Variants in PLCXD3 observed in about 807,000 individuals in gnomAD.
PLCXD3 encodes the protein phosphatidylinositol specific phospholipase C X domain containing 3.
PLCXD3 carries 19 observed loss-of-function variants against 25.5 expected under a neutral mutation model. The ratio of observed to expected loss-of-function variants is 0.75; its 90% CI spans 0.52 to 1.09. The LOEUF is 1.09. PLCXD3 is among the 50% of genes least tolerant of loss of function. PLCXD3 has a pLI of 0.00. For missense variants in PLCXD3, 411 were observed against 388.1 expected, an observed-to-expected ratio of 1.06 and a Z score of -0.50; for synonymous variants, 174 against 137.6, an observed-to-expected ratio of 1.26 and a Z score of -1.85.
intron 1 of PLCXD3, among the ~76,000 whole-genome samples, chr5:41,425,475 A>G (rs1407008218): frequency 6.6e-6 from 1 of 152,126 alleles, no homozygotes; most frequent in African/African-American, 2.4e-5. Flanking sequence ...CTGTATTGAC[A>G]CCTTATTATC....
At chr5:41,414,597 C>A (rs922092890) in intron 1 of PLCXD3, among the ~76,000 whole-genome samples, 1 of 152,136 alleles carries the variant, frequency 6.6e-6, no homozygotes, top group African/African-American at 2.4e-5. Context: ...GCATAAGTAG[C>A]CTGTTACAAA....
intron 2 of PLCXD3, among the ~76,000 whole-genome samples, chr5:41,340,120 G>T (rs1207098803): frequency 6.7e-6 from 1 of 150,190 alleles, no homozygotes; most frequent in Non-Finnish European, 1.5e-5. Flanking sequence ...TTGTATAGAT[G>T]CTGCTCTCCT....
At chr5:41,354,451 C>T (rs1435724352) in intron 2 of PLCXD3, among the ~76,000 whole-genome samples, 1 of 152,100 alleles carries the variant, frequency 6.6e-6, no homozygotes, top group East Asian at 1.9e-4. Context: ...CTCATTTCCT[C>T]CCCTTTCCCT....
intron 1 of PLCXD3, among the ~76,000 whole-genome samples, chr5:41,493,802 G>A (rs906302580): frequency 2.0e-5 from 3 of 152,148 alleles, no homozygotes; most frequent in Non-Finnish European, 4.4e-5. Context: ...GCGCAGTATT[G>A]GGGTGGGAGT....
intron 2 of PLCXD3, among the ~76,000 whole-genome samples, chr5:41,326,158 C>T (rs1743621564): frequency 6.6e-6 from 1 of 152,166 alleles, no homozygotes; most frequent in South Asian, 2.1e-4. Flanking sequence ...AGTCACCTAT[C>T]TTTCTATCCC....
At chr5:41,380,105 AT>A (rs1041571543) in intron 2 of PLCXD3, among the ~76,000 whole-genome samples, 46 of 151,892 alleles carry the variant, frequency 3.0e-4, no homozygotes, top group African/African-American at 1.1e-3. Flanking sequence ...GTTGGCCTAT[AT>A]TTGTAATGAT....
chr5:41,433,132 T>C (rs1273201565), intron 1 of PLCXD3, among the ~76,000 whole-genome samples: 1 of 152,178 alleles, frequency 6.6e-6, no homozygotes, highest in Non-Finnish European at 1.5e-5. Flanking sequence ...GGGCACAAGC[T>C]GCCTTTCTTG....
At chr5:41,421,416 T>C (rs1302544313) in intron 1 of PLCXD3, among the ~76,000 whole-genome samples, 1 of 152,110 alleles carries the variant, frequency 6.6e-6, no homozygotes, top group Non-Finnish European at 1.5e-5. Flanking sequence ...AAAATACTCT[T>C]TGGAGCTGGG....
At chr5:41,465,887 A>G (rs1376249570) in intron 1 of PLCXD3, among the ~76,000 whole-genome samples, 2 of 152,156 alleles carry the variant, frequency 1.3e-5, no homozygotes, top group Non-Finnish European at 2.9e-5. Context: ...ATAATCTGCT[A>G]TGAAATTAAA....
intron 2 of PLCXD3, among the ~76,000 whole-genome samples, chr5:41,334,544 A>T (rs1247448091): frequency 6.6e-6 from 1 of 152,164 alleles, no homozygotes; most frequent in Non-Finnish European, 1.5e-5. Context: ...CCTCAGAAGT[A>T]CATGGGACAT....
intron 2 of PLCXD3, among the ~76,000 whole-genome samples, chr5:41,320,993 T>C (rs1414270900): frequency 6.6e-6 from 1 of 152,212 alleles, no homozygotes; most frequent in Non-Finnish European, 1.5e-5. Flanking sequence ...GCTAGTATCA[T>C]ACTGAATGAG....
intron 2 of PLCXD3, among the ~76,000 whole-genome samples, chr5:41,356,844 G>A (rs566916682): frequency 2.0e-5 from 3 of 152,258 alleles, no homozygotes; most frequent in South Asian, 4.1e-4. Flanking sequence ...AGGGCTGCAT[G>A]TTGTTATCAC....
At chr5:41,324,193 T>C (rs530462472) in intron 2 of PLCXD3, among the ~76,000 whole-genome samples, 3 of 152,144 alleles carry the variant, frequency 2.0e-5, no homozygotes, top group Admixed American at 6.5e-5. Context: ...CAGGAGCATA[T>C]AGTGTCATGA....
At chr5:41,441,087 C>T (rs1481969520) in intron 1 of PLCXD3, among the ~76,000 whole-genome samples, 1 of 152,098 alleles carries the variant, frequency 6.6e-6, no homozygotes, top group African/African-American at 2.4e-5. Flanking sequence ...CCACCAAATC[C>T]TGTTCATTTG....
chr5:41,497,496 T>C (rs1748867609), intron 1 of PLCXD3, among the ~76,000 whole-genome samples: 1 of 151,778 alleles, frequency 6.6e-6, no homozygotes, highest in Admixed American at 6.6e-5. Context: ...AAAGCAATTA[T>C]AAATATATGC....
chr5:41,368,184 T>A (rs1744992152), intron 2 of PLCXD3, among the ~76,000 whole-genome samples: 9 of 152,198 alleles, frequency 5.9e-5, no homozygotes, highest in Admixed American at 5.2e-4. Flanking sequence ...ACTTATCTTG[T>A]TAGCTGTATT....
At chr5:41,384,487 G>C (rs970670382) in intron 1 of PLCXD3, among the ~76,000 whole-genome samples, 1 of 151,932 alleles carries the variant, frequency 6.6e-6, no homozygotes, top group African/African-American at 2.4e-5. Context: ...AGTTTAAAAA[G>C]TTAGTTTCCA....
At chr5:41,370,331 CA>C (rs1745058377) in intron 2 of PLCXD3, among the ~76,000 whole-genome samples, 1 of 63,026 alleles carries the variant, frequency 1.6e-5, no homozygotes, top group Non-Finnish European at 3.2e-5. Flanking sequence ...GCAATTGATG[CA>C]TGCAGTATTT....
intron 2 of PLCXD3, among the ~76,000 whole-genome samples, chr5:41,330,933 A>T (rs1268829505): frequency 6.6e-6 from 1 of 152,218 alleles, no homozygotes; most frequent in African/African-American, 2.4e-5. Flanking sequence ...TTAGGTATTG[A>T]TGGGATGTAT....
Sources: gnomAD v4.1 joint callset for allele counts (sites outside exome capture counted in the v4.1 genomes callset) on GRCh38, gnomAD v4.1.1 for gene constraint, MANE v1.5 for transcripts, NCBI Gene and HGNC (gene_info 2026-07-23, HGNC 2026-07-21) for gene names.